CIT: variants seen among roughly 807,000 people sequenced by gnomAD.
CIT encodes citron rho-interacting serine/threonine kinase.
In CIT, 79 loss-of-function variants were observed where a neutral mutation model predicts 272.7. The observed-to-expected ratio is 0.29, with a 90% CI of 0.24 to 0.35. CIT has a LOEUF of 0.35. CIT is among the 10% of genes least tolerant of loss of function. The pLI is 1.00. For synonymous variants in CIT, 948 were observed against 995.6 expected (o/e 0.95, Z 0.90); for missense variants, 1,909 against 2,618.3 (o/e 0.73, Z 5.91).
At position 119,712,504 on chromosome 12, in the gene CIT, A is replaced by C; in HGVS notation, c.4684+87T>G. 3.5e-6 allele frequency: 5 copies of C among 1,420,850 alleles called. No homozygotes were observed. The South Asian group carries it at 4.9e-5, about 14-fold the overall frequency. 88.0% of individuals were successfully genotyped at this position (1,420,850 alleles called of 1,614,324 possible). ...GAAGATGGGCCTCCTTTGCAGAGCC[A>C]ATCTTCCCTGTACCACCCCTTCTGT... On this transcript the variant is annotated intron_variant, in intron 36 of 47. Transcript: ENST00000392521. The surrounding 1 kb of genome is among the most constrained non-coding windows in gnomAD (Gnocchi z 5.2).
chr12:119,832,800 A>T lies in CIT; in HGVS notation c.724T>A (p.Ser242Thr). 1 of 1,614,052 alleles carries T rather than the reference A, an allele frequency of 6.2e-7. No individual in the cohort carries two copies. Among genetic ancestry groups the T allele is most frequent in the Non-Finnish European group, 8.5e-7 (1 of 1,179,952 alleles). The change falls in exon 7 of 48, where the codon TCT becomes ACT. Residue 242 changes from serine to threonine, a missense_variant. By Grantham distance (58) the Ser-to-Thr change is moderately conservative (BLOSUM62 1). Transcript: ENST00000392521. ...TGHIKLVDFGSAAKMNSNKMV... is the reference protein window; with the variant it reads ...TGHIKLVDFGTAAKMNSNKMV... ...TTGTTTGAATTCATTTTCGCGGCAG[A>T]TCCAAAATCCACCAGCTTGATGTGT...
intron 5 of CIT, among the ~76,000 whole-genome samples, chr12:119,839,993 G>A (rs1969295326): frequency 6.6e-6 from 1 of 152,176 alleles, no homozygotes; most frequent in South Asian, 2.1e-4. Flanking sequence ...CCCTACACCA[G>A]CAGCAGCATT....
At chr12:119,786,185 C>CT (rs1964781636) in intron 10 of CIT, among the ~76,000 whole-genome samples, 2 of 152,236 alleles carry the variant, frequency 1.3e-5, no homozygotes, top group South Asian at 4.1e-4. Flanking sequence ...GTTACGTAAA[C>CT]TGCCAGTTGA....
chr12:119,847,711 C>T (rs1242782388), intron 5 of CIT, among the ~76,000 whole-genome samples: 2 of 151,988 alleles, frequency 1.3e-5, no homozygotes, highest in Non-Finnish European at 1.5e-5. Flanking sequence ...ACCAACATGG[C>T]GAAACCCCGT....
chr12:119,829,384 GA>G, intron 7 of CIT, among the ~76,000 whole-genome samples: 1 of 150,780 alleles, frequency 6.6e-6, no homozygotes, highest in Admixed American at 6.6e-5. Flanking sequence ...GAGAAGAGAA[GA>G]GAAGAGAAGA....
At chr12:119,794,174 T>C (rs1256952793) in intron 10 of CIT, among the ~76,000 whole-genome samples, 1 of 152,148 alleles carries the variant, frequency 6.6e-6, no homozygotes, top group Admixed American at 6.5e-5. Flanking sequence ...ATTTCTCCTT[T>C]GTTTCTCCCC....
intron 7 of CIT, among the ~76,000 whole-genome samples, chr12:119,827,566 T>G (rs1370675821): frequency 2.0e-5 from 3 of 152,054 alleles, no homozygotes; most frequent in African/African-American, 7.2e-5. Context: ...GCCTCTCGAG[T>G]AACTGCGACT....
At chr12:119,860,505 CA>C (rs1950304748) in intron 3 of CIT, among the ~76,000 whole-genome samples, 1 of 152,116 alleles carries the variant, frequency 6.6e-6, no homozygotes, top group African/African-American at 2.4e-5. Context: ...TATAATTCCC[CA>C]AAAACTTGCT....
At chr12:119,820,805 T>C (rs1967638790) in intron 9 of CIT, among the ~76,000 whole-genome samples, 1 of 151,594 alleles carries the variant, frequency 6.6e-6, no homozygotes, top group African/African-American at 2.4e-5. Context: ...ACCGCGTCTC[T>C]ACAAATACAA....
intron 5 of CIT, among the ~76,000 whole-genome samples, chr12:119,841,756 AC>A (rs564230672): frequency 7.3e-4 from 111 of 152,338 alleles, no homozygotes; most frequent in Non-Finnish European, 1.0e-3. Flanking sequence ...TGGAACAGAG[AC>A]ATGAAATGGC....
intron 9 of CIT, among the ~76,000 whole-genome samples, chr12:119,807,373 T>G (rs1966670149): frequency 6.6e-6 from 1 of 152,234 alleles, no homozygotes; most frequent in Non-Finnish European, 1.5e-5. Context: ...GTCCAAAAAC[T>G]AACAAGTATG....
chr12:119,802,004 A>T (rs939920452), intron 10 of CIT, among the ~76,000 whole-genome samples: 1 of 152,166 alleles, frequency 6.6e-6, no homozygotes, highest in Non-Finnish European at 1.5e-5. Flanking sequence ...AATTCCCCAC[A>T]ACACTCTGAA....
chr12:119,862,064 G>C (rs1464189192), intron 3 of CIT, among the ~76,000 whole-genome samples: 1 of 152,118 alleles, frequency 6.6e-6, no homozygotes, highest in African/African-American at 2.4e-5. Flanking sequence ...GCAGTGGCAT[G>C]GTCTTGGCTC....
Position 119,686,484 on chromosome 12 carries a change from C to T in CIT, c.*1748G>A, listed in dbSNP as rs1235602885. On this transcript the variant is annotated 3_prime_UTR_variant, in exon 48 of 48. Coordinates refer to ENST00000392521, the MANE Select transcript of CIT (RefSeq NM_001206999.2). ...ACCACATGGAGGTTTGTAGGCGTTT[C>T]AAACAAGAAAGCACTTAGGTTAAGA... The T allele has an allele frequency of 6.6e-6, 1 of 152,262 alleles. No individual in the cohort carries two copies. Among genetic ancestry groups the T allele is most frequent in the Non-Finnish European group, 1.5e-5 (1 of 68,098 alleles). 9.4% of individuals were successfully genotyped at this position (152,262 alleles called of 1,614,324 possible).
At chr12:119,721,983 C>CACA (rs1159647129) in intron 28 of CIT, among the ~76,000 whole-genome samples, 2 of 152,092 alleles carry the variant, frequency 1.3e-5, no homozygotes, top group African/African-American at 4.8e-5. Context: ...CATGAATAAC[C>CACA]ACAATCATGA....
At chr12:119,700,898 G>T in intron 43 of CIT, 73 bp from the exon 44 acceptor site, 1 of 1,225,746 alleles carries the variant, frequency 8.2e-7, no homozygotes, top group Non-Finnish European at 1.2e-6. Flanking sequence ...CATGGTGATG[G>T]AAGAATGAGG....
chr12:119,836,283 C>G (rs1390480576), intron 5 of CIT, among the ~76,000 whole-genome samples: 1 of 48,434 alleles, frequency 2.1e-5, no homozygotes, highest in Non-Finnish European at 3.2e-5. Context: ...GAGACTCCAT[C>G]TAAAAAAAAA....
intron 3 of CIT, among the ~76,000 whole-genome samples, chr12:119,864,290 G>GTT (rs1192851761): frequency 6.6e-6 from 1 of 152,052 alleles, no homozygotes; most frequent in South Asian, 2.1e-4. Flanking sequence ...ACTTTTCTGT[G>GTT]TAAGTTTTTT....
Position 119,710,810 on chromosome 12 carries a change from G to A in CIT, c.4855-190C>T. ...CCAAATGCAAAATGCGAGTGCTATTGGTATCTCTGGGGCAGCTGTTAATTA... is the reference window on the plus strand; with the variant it reads ...CCAAATGCAAAATGCGAGTGCTATTAGTATCTCTGGGGCAGCTGTTAATTA... On this transcript the variant is annotated intron_variant, in intron 37 of 47. Transcript: ENST00000392521. This position sits in a 1 kb window ranked among gnomAD's most constrained non-coding sequence, Gnocchi z 5.6. 4 of 664,404 alleles carry A rather than the reference G, an allele frequency of 6.0e-6. No individual in the cohort carries two copies. Among genetic ancestry groups the A allele is most frequent in the Non-Finnish European group, 5.2e-6 (2 of 387,760 alleles). 41.2% of individuals were successfully genotyped at this position (664,404 alleles called of 1,614,324 possible).
Sources: allele counts gnomAD v4.1 joint callset (sites outside exome capture counted in the v4.1 genomes callset), GRCh38; gene constraint gnomAD v4.1.1; non-coding constraint Gnocchi (gnomAD v3.1); transcripts MANE v1.5; gene names NCBI Gene and HGNC (gene_info 2026-07-23, HGNC 2026-07-21).